Variants in DLC1 observed in about 807,000 individuals in gnomAD.
DLC1 encodes rho GTPase-activating protein 7.
DLC1 carries 54 observed loss-of-function variants against 140.3 expected under a neutral mutation model. That is an observed-to-expected ratio of 0.38 (90% CI 0.31 to 0.48). DLC1 has a LOEUF of 0.48. Among genes scored for constraint, DLC1 ranks in the 20% least tolerant of loss-of-function variants. The pLI is 0.96. For missense variants in DLC1, 2,536 were observed against 1,907.0 expected, an observed-to-expected ratio of 1.33 and a Z score of -6.14; for synonymous variants, 986 against 728.1, an observed-to-expected ratio of 1.35 and a Z score of -5.70.
chr8:13,528,563 A>T (rs1006759868), intron 1 of DLC1, among the ~76,000 whole-genome samples: 3 of 152,132 alleles, frequency 2.0e-5, no homozygotes, highest in African/African-American at 7.2e-5. Context: ...ATAAAATATA[A>T]CAGAATTTCC....
chr8:13,330,073 T>C (rs1405573193), intron 4 of DLC1, among the ~76,000 whole-genome samples: 1 of 152,118 alleles, frequency 6.6e-6, no homozygotes, highest in African/African-American at 2.4e-5. Context: ...TAAGTGACCC[T>C]CCCACCTCAA....
chr8:13,232,596 G>A (rs1452670653), intron 5 of DLC1, among the ~76,000 whole-genome samples: 1 of 152,182 alleles, frequency 6.6e-6, no homozygotes, highest in Non-Finnish European at 1.5e-5. Context: ...CTCCCAAAGT[G>A]CTGGGATTAC....
At chr8:13,338,620 C>A (rs1833901912) in intron 4 of DLC1, 1 of 152,156 alleles carries the variant, frequency 6.6e-6, no homozygotes, top group Non-Finnish European at 1.5e-5. Flanking sequence ...TGATCCCTGA[C>A]TCTGAGAAGT....
At chr8:13,261,557 G>A (rs1470525653) in intron 5 of DLC1, among the ~76,000 whole-genome samples, 1 of 152,104 alleles carries the variant, frequency 6.6e-6, no homozygotes, top group Non-Finnish European at 1.5e-5. Flanking sequence ...TGGGGCAAGG[G>A]TGGAGGTGGG....
chr8:13,565,260 A>G (rs910133830), intron 1 of DLC1, among the ~76,000 whole-genome samples: 2 of 152,216 alleles, frequency 1.3e-5, no homozygotes, highest in African/African-American at 4.8e-5. Flanking sequence ...TATAAAAAAG[A>G]CAGATTACCC....
chr8:13,476,397 T>C (rs551322164), intron 2 of DLC1, among the ~76,000 whole-genome samples: 2 of 152,182 alleles, frequency 1.3e-5, no homozygotes, highest in African/African-American at 4.8e-5. Context: ...AATTTTCTTA[T>C]GCCCTTAAGA....
chr8:13,148,028 C>T (rs1002155344), intron 5 of DLC1, among the ~76,000 whole-genome samples: 1 of 152,112 alleles, frequency 6.6e-6, no homozygotes, highest in Non-Finnish European at 1.5e-5. Context: ...TGAGATTTGA[C>T]AACAAACCAT....
chr8:13,273,562 A>T (rs1831037611), intron 5 of DLC1, among the ~76,000 whole-genome samples: 1 of 152,206 alleles, frequency 6.6e-6, no homozygotes, highest in African/African-American at 2.4e-5. Flanking sequence ...TATTGTTTAT[A>T]AAAGGCTGCA....
At chr8:13,503,691 C>A (rs1801923997) in intron 1 of DLC1, among the ~76,000 whole-genome samples, 1 of 152,160 alleles carries the variant, frequency 6.6e-6, no homozygotes, top group African/African-American at 2.4e-5. Flanking sequence ...AGTTCATAAT[C>A]ACTATTCATC....
chr8:13,563,742 A>G (rs1804327442), intron 1 of DLC1, among the ~76,000 whole-genome samples: 1 of 152,234 alleles, frequency 6.6e-6, no homozygotes, highest in African/African-American at 2.4e-5. Flanking sequence ...CTAGAAATGT[A>G]TGTAAAGATT....
At chr8:13,302,327 A>G (rs1441469270) in intron 5 of DLC1, among the ~76,000 whole-genome samples, 3 of 152,244 alleles carry the variant, frequency 2.0e-5, no homozygotes, top group Non-Finnish European at 4.4e-5. Context: ...AACCTAATAG[A>G]ATGCCTAGAA....
intron 2 of DLC1, among the ~76,000 whole-genome samples, chr8:13,427,004 G>C (rs1443553298): frequency 6.6e-6 from 1 of 152,152 alleles, no homozygotes; most frequent in Admixed American, 6.5e-5. Flanking sequence ...GTCTGATGCA[G>C]GTGTGGCCCA....
At chr8:13,313,280 C>G (rs1319677263) in intron 4 of DLC1, among the ~76,000 whole-genome samples, 1 of 152,160 alleles carries the variant, frequency 6.6e-6, no homozygotes, top group Non-Finnish European at 1.5e-5. Context: ...TACTCACTAC[C>G]TACACAGTCT....
At chr8:13,432,063 T>C (rs1327403696) in intron 2 of DLC1, among the ~76,000 whole-genome samples, 2 of 152,206 alleles carry the variant, frequency 1.3e-5, no homozygotes, top group Admixed American at 1.3e-4. Flanking sequence ...AAAATATCTA[T>C]TTATTGGAAA....
chr8:13,244,987 T>G (rs1407177019), intron 5 of DLC1, among the ~76,000 whole-genome samples: 1 of 152,200 alleles, frequency 6.6e-6, no homozygotes, highest in Non-Finnish European at 1.5e-5. Flanking sequence ...ATAACTTCCT[T>G]CAAGAGTTGA....
At chr8:13,503,929 TG>T (rs1216160082) in intron 1 of DLC1, among the ~76,000 whole-genome samples, 4 of 152,166 alleles carry the variant, frequency 2.6e-5, no homozygotes, top group African/African-American at 4.8e-5. Flanking sequence ...TCAAGTCAAA[TG>T]GTATTTGAGG....
intron 1 of DLC1, among the ~76,000 whole-genome samples, chr8:13,551,596 A>G (rs1585266067): frequency 6.6e-6 from 1 of 151,978 alleles, no homozygotes; most frequent in East Asian, 1.9e-4. Flanking sequence ...AGTGCTGCAT[A>G]AGGCATGTTA....
At chr8:13,559,649 T>A (rs1022705180) in intron 1 of DLC1, among the ~76,000 whole-genome samples, 1 of 152,092 alleles carries the variant, frequency 6.6e-6, no homozygotes, top group African/African-American at 2.4e-5. Context: ...AGATGCTGAG[T>A]AGTGGAAAAA....
intron 5 of DLC1, among the ~76,000 whole-genome samples, chr8:13,216,627 C>G: frequency 6.6e-6 from 1 of 152,206 alleles, no homozygotes; most frequent in East Asian, 1.9e-4. Flanking sequence ...ATGCAATCAC[C>G]TCCTCTTTCT....
Sources: allele counts gnomAD v4.1 joint callset (sites outside exome capture counted in the v4.1 genomes callset), GRCh38; gene constraint gnomAD v4.1.1; transcripts MANE v1.5; gene names NCBI Gene and HGNC (gene_info 2026-07-23, HGNC 2026-07-21).